PLXDC1: variants seen among roughly 807,000 people sequenced by gnomAD.
The protein encoded by PLXDC1 is plexin domain-containing protein 1.
PLXDC1 carries 39 observed loss-of-function variants against 61.3 expected under a neutral mutation model. The observed-to-expected ratio is 0.64, with a 90% CI of 0.49 to 0.83. PLXDC1 has a LOEUF of 0.83. PLXDC1 is among the 40% of genes least tolerant of loss of function. The probability of loss-of-function intolerance (pLI) is 0.00; values close to 1 mark genes in which losing one functional copy is unlikely to be tolerated. For synonymous variants in PLXDC1, 212 were observed against 254.5 expected (o/e 0.83, Z 1.59); for missense variants, 596 against 666.5 (o/e 0.89, Z 1.17).
At chr17:39,080,961 A>G (rs1456511603) in intron 9 of PLXDC1, 1 of 152,806 alleles carries the variant, frequency 6.5e-6, no homozygotes, top group Non-Finnish European at 1.5e-5. Flanking sequence ...CCCATTTTGC[A>G]GTTCTCATGG....
At chr17:39,124,970 C>G (rs72823320) in intron 2 of PLXDC1, among the ~76,000 whole-genome samples, 13 of 152,108 alleles carry the variant, frequency 8.5e-5, no homozygotes, top group Non-Finnish European at 1.8e-4. Flanking sequence ...CAGGCCACTA[C>G]GCCCAGCTAA....
At chr17:39,082,739 TC>T (rs1392041558) in intron 9 of PLXDC1, among the ~76,000 whole-genome samples, 1 of 152,146 alleles carries the variant, frequency 6.6e-6, no homozygotes, top group African/African-American at 2.4e-5. Context: ...TTCTTCCCCC[TC>T]CTCCTGTCAT....
intron 2 of PLXDC1, among the ~76,000 whole-genome samples, chr17:39,127,238 C>T (rs1597655202): frequency 1.3e-5 from 2 of 152,118 alleles, no homozygotes; most frequent in Admixed American, 6.6e-5. Context: ...AGCAAGGATA[C>T]GCACGGTCTA....
chr17:39,130,925 C>A (rs1373491004), intron 2 of PLXDC1, among the ~76,000 whole-genome samples: 1 of 151,954 alleles, frequency 6.6e-6, no homozygotes, highest in African/African-American at 2.4e-5. Context: ...AGAAACTAAC[C>A]AATCAACCAA....
chr17:39,077,032 C>T (rs547638717), intron 11 of PLXDC1, among the ~76,000 whole-genome samples: 1 of 152,114 alleles, frequency 6.6e-6, no homozygotes, highest in Admixed American at 6.5e-5. Context: ...CGCGCCCGGC[C>T]AATTTTTATA....
intron 2 of PLXDC1, among the ~76,000 whole-genome samples, chr17:39,122,118 G>GT (rs1567767692): frequency 7.1e-6 from 1 of 141,188 alleles, no homozygotes; most frequent in African/African-American, 2.5e-5. Context: ...AAAAGGGGGG[G>GT]GGGACTGGGT....
intron 13 of PLXDC1, among the ~76,000 whole-genome samples, chr17:39,069,637 CA>C (rs1909033517): frequency 6.6e-6 from 1 of 152,120 alleles, no homozygotes; most frequent in African/African-American, 2.4e-5. Context: ...GGGGCTGTTC[CA>C]CAGGACAGGA....
intron 4 of PLXDC1, chr17:39,108,613 G>A (rs377377593): frequency 4.6e-5 from 24 of 522,032 alleles, no homozygotes; most frequent in African/African-American, 4.2e-4. Context: ...GCTCTCAGTG[G>A]AGTCTCCCTC....
intron 3 of PLXDC1, 93 bp from the exon 4 acceptor site, chr17:39,109,066 G>C: frequency 7.9e-7 from 1 of 1,271,212 alleles, no homozygotes; most frequent in Non-Finnish European, 1.1e-6. Flanking sequence ...ACAGAGTGGG[G>C]AGCAGGCATG....
At chr17:39,140,026 G>C (rs776778689) in intron 1 of PLXDC1, among the ~76,000 whole-genome samples, 194 bp from the exon 2 acceptor site, 1 of 152,154 alleles carries the variant, frequency 6.6e-6, no homozygotes, top group African/African-American at 2.4e-5. Flanking sequence ...CAAGCACTTC[G>C]CACATATCCT....
In PLXDC1 at chr17:39,067,680, G is replaced by A. The variant is rs897971588; in HGVS notation, c.*160C>T. 1 of 640,860 alleles carries A rather than the reference G, an allele frequency of 1.6e-6. No individual in the cohort carries two copies. Among genetic ancestry groups the A allele is most frequent in the East Asian group, 2.7e-5 (1 of 37,432 alleles). 39.7% of individuals were successfully genotyped at this position (640,860 alleles called of 1,614,324 possible). On this transcript the variant is annotated 3_prime_UTR_variant, in exon 14 of 14. Transcript: ENST00000315392. The stretch of plus-strand genomic sequence containing the variant: ...TTTTTTGGCCCCCTCTTCAATATTC[G>A]GGGTGTGCTGACGAAGCGAGCAGCA...
intron 1 of PLXDC1, among the ~76,000 whole-genome samples, chr17:39,141,703 G>T (rs1207523052): frequency 6.6e-6 from 1 of 152,058 alleles, no homozygotes; most frequent in East Asian, 1.9e-4. Context: ...ATTTTTTGAG[G>T]AATTGTCATA....
At chr17:39,085,071 T>C (rs1193833810) in intron 8 of PLXDC1, among the ~76,000 whole-genome samples, 1 of 152,212 alleles carries the variant, frequency 6.6e-6, no homozygotes, top group Non-Finnish European at 1.5e-5. Flanking sequence ...AAATGACCAC[T>C]CATTTGATCA....
intron 7 of PLXDC1, among the ~76,000 whole-genome samples, chr17:39,093,127 G>T (rs1910016974): frequency 6.6e-6 from 1 of 152,178 alleles, no homozygotes; most frequent in Non-Finnish European, 1.5e-5. Flanking sequence ...GAGTGCCGTG[G>T]TGCAATCACG....
intron 1 of PLXDC1, among the ~76,000 whole-genome samples, chr17:39,149,497 C>T (rs1465112564): frequency 2.0e-5 from 3 of 152,302 alleles, no homozygotes; most frequent in African/African-American, 4.8e-5. Context: ...CAACAGCTGC[C>T]GCCTCTGGCT....
intron 9 of PLXDC1, chr17:39,079,703 C>T: frequency 5.3e-6 from 2 of 375,452 alleles, no homozygotes; most frequent in Non-Finnish European, 1.1e-5. Context: ...CTGGAAGACA[C>T]CAAGCGCCCC....
chr17:39,083,529 G>C lies in PLXDC1; in HGVS notation c.919C>G (p.His307Asp). 1 of 1,612,360 alleles carries C rather than the reference G, an allele frequency of 6.2e-7. No homozygotes were observed. The highest frequency in any genetic ancestry group is 8.5e-7 in the Non-Finnish European group (1 of 1,179,232). ...EFTPLPTCLQ[H>D]RSCDACMSSD... ...GACATGCAGGCGTCACAGCTCCTATGCTGCAGGCAGGCTGCAAGAGAGAAG... is the reference window on the plus strand; with the variant it reads ...GACATGCAGGCGTCACAGCTCCTATCCTGCAGGCAGGCTGCAAGAGAGAAG... Residue 307 changes from histidine (H) to aspartate (D), a missense_variant, in exon 9 of 14, where the codon CAT becomes GAT. By Grantham distance (81) the His-to-Asp change is moderately conservative (BLOSUM62 -1). Coordinates refer to ENST00000315392, the MANE Select transcript of PLXDC1 (RefSeq NM_020405.5).
In PLXDC1 at chr17:39,128,090, T is replaced by TATGTATATATATATATATATATA. The variant is rs1567769465; in HGVS notation, c.255+11563_255+11564insTATATATATATATATATATACAT. ...CTGTCTCTCTCTCTCTCTCTCTCTC[T>TATGTATATATATATATATATATA]CTATGTGTATATATATATATATATG... On this transcript the variant is annotated intron_variant, in intron 2 of 13. Transcript: ENST00000315392. Among the ~76,000 whole-genome samples the TATGTATATATATATATATATATA allele has an allele frequency of 1.1e-3, 86 of 78,874 alleles. 3 individuals carry two copies. The highest frequency in any genetic ancestry group is 0.011 in the South Asian group (24 of 2,252). The allele number at this position is 78,874 out of a possible 152,430, so 51.7% of individuals were successfully genotyped here.
intron 2 of PLXDC1, chr17:39,112,345 C>G (rs1374177619): frequency 2.0e-5 from 3 of 152,212 alleles, no homozygotes; most frequent in Non-Finnish European, 4.4e-5. Flanking sequence ...GCCCTCTTCC[C>G]CCCAGTTCAA....
Sources: gnomAD v4.1 joint callset for allele counts (sites outside exome capture counted in the v4.1 genomes callset) on GRCh38, gnomAD v4.1.1 for gene constraint, MANE v1.5 for transcripts, NCBI Gene and HGNC (gene_info 2026-07-23, HGNC 2026-07-21) for gene names.